RAB9B: variants seen among roughly 807,000 people sequenced by gnomAD.
RAB9B encodes the protein RAB9B, member RAS oncogene family, also known as ras-related protein Rab-9B.
A neutral mutation model predicts 8.9 loss-of-function variants in RAB9B; 1 was observed. The ratio of observed to expected loss-of-function variants is 0.11; its 90% CI spans 0.04 to 0.53. RAB9B has a LOEUF of 0.53. RAB9B is among the 20% of genes least tolerant of loss of function. The pLI, the probability that RAB9B is intolerant of heterozygous loss-of-function variation, is 0.93. For missense variants in RAB9B, 82 were observed against 152.9 expected, an observed-to-expected ratio of 0.54 and a Z score of 2.45; for synonymous variants, 63 against 57.0, an observed-to-expected ratio of 1.10 and a Z score of -0.47.
the RAB9B span, among the ~76,000 whole-genome samples, chrX:103,816,611 CA>C: frequency 8.9e-6 from 1 of 111,924 alleles, no homozygotes; most frequent in Non-Finnish European, 1.9e-5. Flanking sequence ...AGCTTCTGCA[CA>C]GAAAAATAAA....
Position 103,829,761 on chromosome X carries a change from T to C in RAB9B, c.-117+2299A>G, listed in dbSNP as rs1440109149. Among the ~76,000 whole-genome samples, 3 of 112,424 alleles carry C rather than the reference T, an allele frequency of 2.7e-5. No homozygotes were observed. The East Asian group carries it at 8.3e-4, about 31-fold the overall frequency. On this transcript the variant is annotated intron_variant, in intron 1 of 2. Transcript: ENST00000243298. ...AATAATGTCATTATACTGACTTATT[T>C]TGTTAACAAACTTTTCCTGTCTTTC... is the stretch of plus-strand genomic sequence containing the variant.
At chrX:103,805,065 C>T in the RAB9B span, among the ~76,000 whole-genome samples, 1 of 111,279 alleles carries the variant, frequency 9.0e-6, no homozygotes, top group Non-Finnish European at 1.9e-5. Context: ...AAAGAGTGAA[C>T]ATCTTGTCTT....
At chrX:103,793,324 TA>T in the RAB9B span, among the ~76,000 whole-genome samples, 1 of 112,153 alleles carries the variant, frequency 8.9e-6, no homozygotes, top group African/African-American at 3.2e-5. Context: ...AAAGCTGTCT[TA>T]AAATCATTTC....
At chrX:103,810,236 G>C in the RAB9B span, among the ~76,000 whole-genome samples, 2 of 111,529 alleles carry the variant, frequency 1.8e-5, no homozygotes, top group African/African-American at 6.5e-5. Context: ...TGGTGCAGGT[G>C]GAGGGATGAA....
intron 1 of RAB9B, among the ~76,000 whole-genome samples, chrX:103,830,724 A>AGTGTCC (rs202182319): frequency 9.0e-6 from 1 of 111,597 alleles, no homozygotes; most frequent in African/African-American, 3.3e-5. Flanking sequence ...CTGAATCTGC[A>AGTGTCC]GTACCCACAA....
chrX:103,783,295 C>T, the RAB9B span, among the ~76,000 whole-genome samples: 2 of 112,604 alleles, frequency 1.8e-5, no homozygotes, highest in African/African-American at 3.2e-5. Flanking sequence ...TTCCCAAGCA[C>T]GTTTGCAAAG....
In RAB9B at chrX:103,825,661, C is replaced by T; in HGVS notation, c.124G>A (p.Val42Ile). ...FDSQAFHTIGVEFLNRDLEVD... is the reference protein window; with the variant it reads ...FDSQAFHTIGIEFLNRDLEVD... ...TCCAGATCTCGATTTAAGAACTCTA[C>T]CCCTATGGTGTGAAAAGCCTGGGAG... The change falls in exon 3 of 3, where the codon GTA becomes ATA. Residue 42 changes from valine to isoleucine, a missense_variant. Val to Ile is a conservative substitution (Grantham distance 29). Transcript: ENST00000243298. 8.3e-7 allele frequency: 1 copy of T among 1,211,042 alleles called. No homozygotes were observed. The highest frequency in any genetic ancestry group is 1.1e-6 in the Non-Finnish European group (1 of 895,066).
the RAB9B span, among the ~76,000 whole-genome samples, chrX:103,810,333 T>C: frequency 8.9e-6 from 1 of 111,772 alleles, no homozygotes; most frequent in Admixed American, 9.5e-5. Context: ...GCCTGTTGGC[T>C]TCTACTGCCC....
chrX:103,776,896 A>T, the RAB9B span: 1 of 806,541 alleles, frequency 1.2e-6, no homozygotes, highest in Non-Finnish European at 1.9e-6. Flanking sequence ...TAAAAGACCG[A>T]AGAAGGAGGC....
At chrX:103,790,624 T>C in the RAB9B span, 2 of 1,101,291 alleles carry the variant, frequency 1.8e-6, no homozygotes, top group Non-Finnish European at 2.5e-6. Flanking sequence ...CCCCTTTCTC[T>C]AATAGCGAGG....
chrX:103,785,018 T>TTAGCA, the RAB9B span, among the ~76,000 whole-genome samples: 27 of 112,352 alleles, frequency 2.4e-4, no homozygotes, highest in African/African-American at 8.1e-4. Context: ...GAATTATTAT[T>TTAGCA]ATTTATTAAA....
intron 2 of RAB9B, among the ~76,000 whole-genome samples, chrX:103,826,258 G>A (rs1222383326): frequency 1.8e-5 from 2 of 112,264 alleles, no homozygotes; most frequent in African/African-American, 6.5e-5. Flanking sequence ...ACTGAGAAGA[G>A]AAAGCTACAT....
the RAB9B span, among the ~76,000 whole-genome samples, chrX:103,779,310 C>T: frequency 8.9e-6 from 1 of 112,282 alleles, no homozygotes; most frequent in African/African-American, 3.2e-5. Context: ...TGCCTCCATC[C>T]AAAAGTGGCT....
At chrX:103,781,914 C>G in the RAB9B span, among the ~76,000 whole-genome samples, 1 of 111,884 alleles carries the variant, frequency 8.9e-6, no homozygotes, top group African/African-American at 3.2e-5. Flanking sequence ...AAACTCACAC[C>G]CTTTCAACCA....
the RAB9B span, among the ~76,000 whole-genome samples, chrX:103,812,207 G>A: frequency 1.5e-4 from 17 of 110,541 alleles, no homozygotes; most frequent in African/African-American, 5.3e-4. Flanking sequence ...CCACTCTCAC[G>A]AATTAATAGC....
the RAB9B span, chrX:103,787,750 T>G: frequency 9.2e-7 from 1 of 1,091,218 alleles, no homozygotes; most frequent in Non-Finnish European, 1.3e-6. Flanking sequence ...TGTTTCTACA[T>G]CTGCAGGCTG....
the RAB9B span, chrX:103,787,784 G>A: frequency 2.1e-5 from 25 of 1,200,329 alleles, 1 homozygote; most frequent in South Asian, 4.2e-4. Context: ...ACCACCCCAT[G>A]TCAATCATTT....
intron 2 of RAB9B, among the ~76,000 whole-genome samples, chrX:103,826,648 G>T (rs980623703): frequency 1.8e-5 from 2 of 112,045 alleles, no homozygotes; most frequent in Non-Finnish European, 3.8e-5. Flanking sequence ...GGAACACCTA[G>T]AATGTGTCTT....
At chrX:103,790,381 T>C in the RAB9B span, 1 of 552,001 alleles carries the variant, frequency 1.8e-6, no homozygotes, top group African/African-American at 2.2e-5. Context: ...AAGCCAAGCC[T>C]GGGATGTACT....
Sources: gnomAD v4.1 joint callset for allele counts (sites outside exome capture counted in the v4.1 genomes callset) on GRCh38, gnomAD v4.1.1 for gene constraint, MANE v1.5 for transcripts, NCBI Gene and HGNC (gene_info 2026-07-23, HGNC 2026-07-21) for gene names.